IQANK1: variants seen among roughly 807,000 people sequenced by gnomAD.
IQANK1 encodes IQ motif and ankyrin repeat containing 1, also known as IQ motif and ankyrin repeat domain-containing protein 1.
A neutral mutation model predicts 22.6 loss-of-function variants in IQANK1; 30 were observed. The ratio of observed to expected loss-of-function variants is 1.33; its 90% CI spans 0.99 to 1.80. The LOEUF (loss-of-function observed/expected upper bound fraction) is 1.80. Among genes scored for constraint, IQANK1 ranks in the 40% most tolerant of loss-of-function variants. The pLI is 0.00. For missense variants in IQANK1, 275 were observed against 235.2 expected, an observed-to-expected ratio of 1.17 and a Z score of -1.11; for synonymous variants, 122 against 99.6, an observed-to-expected ratio of 1.23 and a Z score of -1.34.
chr8:143,742,772 G>A, intron 3 of IQANK1: 2 of 456,058 alleles, frequency 4.4e-6, no homozygotes, highest in Non-Finnish European at 8.8e-6. Context: ...CAGACAGTGT[G>A]GCCCAAGCAG....
At chr8:143,772,635 T>C (rs1266621723) in intron 7 of IQANK1, among the ~76,000 whole-genome samples, 153 bp downstream of exon 7, 1 of 152,144 alleles carries the variant, frequency 6.6e-6, no homozygotes, top group African/African-American at 2.4e-5. Flanking sequence ...CGGCTGTCTC[T>C]GAAAGCTGTC....
intron 3 of IQANK1, chr8:143,742,703 AG>A (rs35658010): frequency 4.4e-6 from 2 of 455,928 alleles, no homozygotes; most frequent in Admixed American, 2.3e-5. Context: ...GAAGCTCCAA[AG>A]GGGGGCCTGC....
chr8:143,760,471 T>C (rs1587482044), intron 3 of IQANK1: 1 of 147,082 alleles, frequency 6.8e-6, no homozygotes, highest in African/African-American at 2.5e-5. Context: ...AGTGCAGGAG[T>C]TCAAGACCAG....
At chr8:143,764,451 C>A (rs372564658) in intron 3 of IQANK1, among the ~76,000 whole-genome samples, 315 of 129,312 alleles carry the variant, frequency 2.4e-3, no homozygotes, top group Admixed American at 3.4e-3. Context: ...TCCGTCGCTA[C>A]AAAAAAAAAA....
intron 3 of IQANK1, among the ~76,000 whole-genome samples, chr8:143,757,580 G>A (rs201402547): frequency 6.6e-6 from 1 of 151,984 alleles, no homozygotes; most frequent in Non-Finnish European, 1.5e-5. Flanking sequence ...CTCATGATCC[G>A]CCTGCCTTGG....
At chr8:143,785,253 C>CTTTTTTTTTTTTTTT (rs36118052) in intron 7 of IQANK1, among the ~76,000 whole-genome samples, 2 of 92,038 alleles carry the variant, frequency 2.2e-5, no homozygotes, top group African/African-American at 7.3e-5. Context: ...TGTTCTGTAT[C>CTTTTTTTTTTTTTTT]TTTTTTTTTT....
chr8:143,751,611 CA>C (rs1184308306), intron 3 of IQANK1, among the ~76,000 whole-genome samples: 186 of 79,266 alleles, frequency 2.3e-3, no homozygotes, highest in African/African-American at 7.6e-3. Context: ...GACTTCATCT[CA>C]AAAAAAAAAA....
Position 143,735,717 on chromosome 8 carries a change from G to A in IQANK1, c.-4-133G>A, listed in dbSNP as rs551945082. ...AGGCAGACAGGACACCAGCTGGGAA[G>A]CCTCAGGGGAGCCCATGTTCCTGCT... is the stretch of plus-strand genomic sequence containing the variant. On this transcript the variant is annotated intron_variant, in intron 1 of 13. Transcript: ENST00000527139. The surrounding 1 kb of genome is among the most constrained non-coding windows in gnomAD (Gnocchi z 5.2). 2 of 613,834 alleles carry A rather than the reference G, an allele frequency of 3.3e-6. No individual in the cohort carries two copies. The highest frequency in any genetic ancestry group is 2.4e-5 in the Admixed American group (1 of 41,470). The allele number at this position is 613,834 out of a possible 1,614,324, so 38.0% of individuals were successfully genotyped here.
chr8:143,749,413 ATAAT>A (rs1212314660), intron 3 of IQANK1, among the ~76,000 whole-genome samples: 3 of 130,978 alleles, frequency 2.3e-5, no homozygotes, highest in African/African-American at 6.2e-5. Flanking sequence ...CATATCATAT[ATAAT>A]ATATACATAT....
chr8:143,747,598 CT>C (rs149403090), intron 3 of IQANK1, among the ~76,000 whole-genome samples: 4,091 of 151,496 alleles, frequency 0.027, 180 homozygotes, highest in African/African-American at 0.094. Context: ...TCCTAATTTT[CT>C]TTGTGATTTC....
At chr8:143,750,217 C>T (rs970765261) in intron 3 of IQANK1, among the ~76,000 whole-genome samples, 2 of 151,920 alleles carry the variant, frequency 1.3e-5, no homozygotes, top group Non-Finnish European at 2.9e-5. Context: ...AGGGTGGTCT[C>T]GAACCCCCGA....
rs372308147 is a variant in IQANK1, at chr8:143,789,832, T to C, written c.1158T>C (p.Ala386=). 1 of 1,232,158 alleles carries C rather than the reference T, an allele frequency of 8.1e-7. No individual in the cohort carries two copies. The highest frequency in any genetic ancestry group is 1.5e-5 in the African/African-American group (1 of 64,544). The allele number at this position is 1,232,158 out of a possible 1,614,324, so 76.3% of individuals were successfully genotyped here. A position where few individuals can be genotyped will look rare whatever the true frequency, so the allele number is the denominator to read the frequency against. ...CCCAGAAGGCCGAGGAGGCGCTGGC[T>C]ATGGCCAGGCTGGAGCTTCGGGAGC... ...QEAQKAEEAL[A]MARLELREQT... Residue 386 remains alanine (A), a synonymous_variant, in exon 11 of 14, where the codon GCT becomes GCC. Transcript: ENST00000527139.
chr8:143,739,524 T>G, intron 2 of IQANK1: 1 of 264,102 alleles, frequency 3.8e-6, no homozygotes, highest in Non-Finnish European at 7.1e-6. Flanking sequence ...GTGTCAGGGG[T>G]GGGGCAGGGC....
intron 3 of IQANK1, among the ~76,000 whole-genome samples, chr8:143,764,185 G>A (rs940742852): frequency 2.0e-5 from 3 of 152,100 alleles, no homozygotes; most frequent in African/African-American, 7.2e-5. Flanking sequence ...CACAGGAAAG[G>A]TGGACAGCTG....
intron 3 of IQANK1, chr8:143,742,871 G>A (rs1818951932): frequency 2.2e-6 from 1 of 456,008 alleles, no homozygotes; most frequent in Non-Finnish European, 4.4e-6. Context: ...GTGCTAAGGG[G>A]CCTGGCAAGC....
intron 3 of IQANK1, 101 bp downstream of exon 3, chr8:143,740,049 G>C (rs1024194908): frequency 7.5e-5 from 45 of 599,672 alleles, no homozygotes; most frequent in Non-Finnish European, 1.2e-4. Context: ...GCGCGCTTGC[G>C]TGTCATGTAC....
At chr8:143,788,812 A>T in intron 7 of IQANK1, 103 bp from the exon 8 acceptor site, 1 of 398,026 alleles carries the variant, frequency 2.5e-6, no homozygotes, top group Admixed American at 4.4e-5. Flanking sequence ...CCCTTTCTGC[A>T]TAATGGCACC....
intron 9 of IQANK1, 48 bp downstream of exon 9, chr8:143,789,291 G>T: frequency 2.4e-6 from 1 of 408,486 alleles, no homozygotes. Flanking sequence ...GGGAGAGCCG[G>T]GTGGGGAGGA....
Position 143,735,862 on chromosome 8 carries a change from T to G in IQANK1, c.9T>G (p.Ser3Arg). The G allele has an allele frequency of 1.4e-6, 1 of 702,340 alleles. No homozygotes were observed. The highest frequency in any genetic ancestry group is 2.6e-6 in the Non-Finnish European group (1 of 384,808). 43.5% of individuals were successfully genotyped at this position (702,340 alleles called of 1,614,324 possible). Reference protein sequence around the residue: MDSKKGRPKAAAG... With the variant: MDRKKGRPKAAAG... ...ACCCACCCCCCAGGAGAATGGACAG[T>G]AAGAAGGGGAGACCCAAAGCTGCAG... The change falls in exon 2 of 14, where the codon AGT becomes AGG. Residue 3 changes from serine (S) to arginine (R), a missense_variant. Coordinates refer to ENST00000527139, the MANE Select transcript of IQANK1 (RefSeq NM_001381874.1). The surrounding 1 kb of genome is among the most constrained non-coding windows in gnomAD (Gnocchi z 5.2).
Sources: allele counts gnomAD v4.1 joint callset (sites outside exome capture counted in the v4.1 genomes callset), GRCh38; gene constraint gnomAD v4.1.1; non-coding constraint Gnocchi (gnomAD v3.1); transcripts MANE v1.5; gene names NCBI Gene and HGNC (gene_info 2026-07-23, HGNC 2026-07-21).